The following XRN1 variants were observed in gnomAD, a reference collection of about 807,000 sequenced individuals.
XRN1 encodes the protein 5'-3' exoribonuclease 1.
XRN1 carries 67 observed loss-of-function variants against 222.3 expected under a neutral mutation model. That is an observed-to-expected ratio of 0.30 (90% CI 0.25 to 0.37). The LOEUF (loss-of-function observed/expected upper bound fraction) is 0.37, where lower values mean the gene tolerates loss of function less well. Ranked by LOEUF, XRN1 falls within the 10% of genes least tolerant of loss-of-function variation. XRN1 has a pLI of 1.00. For missense variants in XRN1, 1,707 were observed against 2,000.2 expected (o/e 0.85, Z 2.80); for synonymous variants, 643 against 652.4 (o/e 0.99, Z 0.22).
chr3:142,394,482 C>T (rs527474764), intron 20 of XRN1, among the ~76,000 whole-genome samples: 1 of 152,292 alleles, frequency 6.6e-6, no homozygotes, highest in African/African-American at 2.4e-5. Flanking sequence ...TTCAAACCTC[C>T]TTCACTCTAC....
At chr3:142,390,412 G>T (rs1473886818) in intron 20 of XRN1, among the ~76,000 whole-genome samples, 1 of 152,166 alleles carries the variant, frequency 6.6e-6, no homozygotes, top group African/African-American at 2.4e-5. Flanking sequence ...TTCTACATTA[G>T]CATTTGTTGC....
chr3:142,399,296 A>G (rs868156120), intron 19 of XRN1, among the ~76,000 whole-genome samples: 2 of 151,740 alleles, frequency 1.3e-5, no homozygotes, highest in African/African-American at 4.8e-5. Context: ...TGTTAAGACC[A>G]TGGTAATCAA....
intron 2 of XRN1, among the ~76,000 whole-genome samples, chr3:142,431,891 T>A (rs1245175799): frequency 8.5e-5 from 3 of 35,114 alleles, no homozygotes; most frequent in African/African-American, 2.8e-4. Flanking sequence ...ATATTATATA[T>A]AATATATATA....
At position 142,351,225 on chromosome 3, in the gene XRN1, A is replaced by T. The variant is rs191166295; in HGVS notation, c.3769-3883T>A. Among the ~76,000 whole-genome samples the T allele has an allele frequency of 1.5e-4, 23 of 152,290 alleles. No individual in the cohort carries two copies. In the East Asian group the frequency reaches 4.2e-3, roughly 28 times the overall value. ...AAGTCCAATAATTTAGCCCTAGAGG[A>T]TTCCATCTTTAAAGAGCCCGAGAGT... On this transcript the variant is annotated intron_variant, in intron 32 of 40. Transcript: ENST00000392981.
chr3:142,357,061 C>T lies in XRN1; in HGVS notation c.3523G>A (p.Gly1175Arg). 1 of 1,613,850 alleles carries T rather than the reference C, an allele frequency of 6.2e-7. No homozygotes were observed. The highest frequency in any genetic ancestry group is 8.5e-7 in the Non-Finnish European group (1 of 1,179,932). The change falls in exon 31 of 41, where the codon GGG (glycine) becomes AGG (arginine). Residue 1175 changes from glycine (G) to arginine (R), a missense_variant. Physicochemically the swap from Gly to Arg is moderately radical, Grantham distance 125. Transcript: ENST00000392981. ...PTSALVNLSHGSRSETGNQKL... is the reference protein window; with the variant it reads ...PTSALVNLSHRSRSETGNQKL... Reference sequence around the variant, plus strand: ...TGATTTCCAGTTTCAGAGCGACTCCCATGAGAAAGGTTCACCAAGGCACTT... The same window carrying T: ...TGATTTCCAGTTTCAGAGCGACTCCTATGAGAAAGGTTCACCAAGGCACTT...
chr3:142,363,221 T>C (rs998552136), intron 29 of XRN1, among the ~76,000 whole-genome samples: 41 of 152,074 alleles, frequency 2.7e-4, no homozygotes, highest in African/African-American at 9.7e-4. Flanking sequence ...ATAGAAGATG[T>C]AAGGTAAGGA....
At chr3:142,382,175 A>G (rs901176637) in intron 22 of XRN1, among the ~76,000 whole-genome samples, 2 of 152,166 alleles carry the variant, frequency 1.3e-5, no homozygotes, top group African/African-American at 4.8e-5. Context: ...GCTAATAAAT[A>G]ATCTGTAGGA....
In XRN1 at chr3:142,311,696, G is replaced by A. The variant is rs1477650206; in HGVS notation, c.4900C>T (p.Pro1634Ser). Residue 1634 changes from proline to serine, a missense_variant, in exon 41 of 41, where the codon CCA (proline) becomes TCA (serine). Physicochemically the swap from Pro to Ser is moderately conservative, Grantham distance 74. Around this residue, in one of 2 missense-constraint regions of XRN1, gnomAD observed 473 missense variants for 482.0 expected, o/e 0.98. Transcript: ENST00000392981. ...AAAGAAGCTGATGAGCTCTCCCGTG[G>A]ACTTACTTTGACAATGTTGGAAGAA... ...PDSSNIVKVS[P>S]RESSSASLKS... is the part of the protein sequence containing the mutation. 2 of 1,614,020 alleles carry A rather than the reference G, an allele frequency of 1.2e-6. No homozygotes were observed. Among genetic ancestry groups the A allele is most frequent in the African/African-American group, 2.7e-5 (2 of 74,934 alleles).
intron 22 of XRN1, among the ~76,000 whole-genome samples, chr3:142,382,491 C>T (rs1161861709): frequency 6.6e-6 from 1 of 152,122 alleles, no homozygotes; most frequent in Non-Finnish European, 1.5e-5. Context: ...AAGATTTGGG[C>T]AGTGGTAGTA....
intron 1 of XRN1, among the ~76,000 whole-genome samples, chr3:142,441,059 G>A (rs749953605): frequency 2.6e-5 from 4 of 152,098 alleles, no homozygotes; most frequent in Non-Finnish European, 4.4e-5. Context: ...AAATTTCCTC[G>A]CCACCTGTGG....
chr3:142,428,778 T>C (rs1163150617), intron 2 of XRN1, among the ~76,000 whole-genome samples: 1 of 152,194 alleles, frequency 6.6e-6, no homozygotes, highest in Non-Finnish European at 1.5e-5. Flanking sequence ...GTTCTAAATA[T>C]GTTAACCCTG....
intron 31 of XRN1, 152 bp from the exon 32 acceptor site, chr3:142,355,648 T>A: frequency 2.0e-6 from 1 of 493,576 alleles, no homozygotes; most frequent in Non-Finnish European, 3.5e-6. Flanking sequence ...TCATGTGGGG[T>A]CTTGCTCATG....
At chr3:142,365,264 T>C in intron 28 of XRN1, 46 bp downstream of exon 28, 1 of 1,579,466 alleles carries the variant, frequency 6.3e-7, no homozygotes, top group Admixed American at 1.8e-5. Flanking sequence ...CTTCCATGCA[T>C]TCAAAGTGAA....
Position 142,335,463 on chromosome 3 carries a change from T to G in XRN1, c.3924A>C (p.Lys1308Asn). The change falls in exon 34 of 41, where the codon AAA becomes AAC. Residue 1308 changes from lysine to asparagine, a missense_variant. Physicochemically the swap from Lys to Asn is moderately conservative, Grantham distance 94. Around this residue, in one of 2 missense-constraint regions of XRN1, gnomAD observed 473 missense variants for 482.0 expected, o/e 0.98. Transcript: ENST00000392981. ...GGAAGCTTACCTGCTTATTGGACAT[T>G]TTTTGGGACCAACACTCAGCTTTAG... is the stretch of plus-strand genomic sequence containing the variant. The part of the protein sequence containing the change: ...KSPKAECWSQ[K>N]MSNKQPNSGI... 6.2e-7 allele frequency: 1 copy of G among 1,613,946 alleles called. No homozygotes were observed. The highest frequency in any genetic ancestry group is 8.5e-7 in the Non-Finnish European group (1 of 1,179,902).
In XRN1 at chr3:142,421,134, C is replaced by G; in HGVS notation, c.1055G>C (p.Ser352Thr). The G allele has an allele frequency of 6.2e-7, 1 of 1,613,302 alleles. No individual in the cohort carries two copies. The highest frequency in any genetic ancestry group is 8.5e-7 in the Non-Finnish European group (1 of 1,179,642). Residue 352 changes from serine to threonine, a missense_variant, in exon 10 of 41, where the codon AGT becomes ACT. Ser to Thr is a moderately conservative substitution (Grantham distance 58, BLOSUM62 1). This residue lies in a region of XRN1 where 1,234 missense variants were observed against 1,518.2 expected (regional missense o/e 0.81). Coordinates refer to ENST00000392981, the MANE Select transcript of XRN1 (RefSeq NM_001282857.2). ...CCATTTTAGGTCCACAAAAACTTCA[C>G]TGAAGTGCTCCCGATCAAACTGTAC... The part of the protein sequence containing the change: ...KLSDFDREHF[S>T]EVFVDLKWFE...
chr3:142,374,561 A>T (rs530680324), intron 25 of XRN1, among the ~76,000 whole-genome samples: 1 of 152,204 alleles, frequency 6.6e-6, no homozygotes, highest in Admixed American at 6.5e-5. Context: ...TTAATAAAAA[A>T]TCTTCATAAA....
intron 37 of XRN1, among the ~76,000 whole-genome samples, chr3:142,319,930 ACG>A (rs915574971): frequency 2.0e-5 from 3 of 151,794 alleles, no homozygotes; most frequent in Non-Finnish European, 4.4e-5. Context: ...ACACACACAC[ACG>A]CACGCACACA....
chr3:142,414,056 A>G, intron 14 of XRN1, 79 bp downstream of exon 14: 3 of 1,327,504 alleles, frequency 2.3e-6, no homozygotes, highest in Non-Finnish European at 3.0e-6. Flanking sequence ...AATAAATTTG[A>G]GTATTATTGT....
At chr3:142,350,264 G>C (rs983939809) in intron 32 of XRN1, among the ~76,000 whole-genome samples, 24 of 152,044 alleles carry the variant, frequency 1.6e-4, no homozygotes, top group Non-Finnish European at 2.6e-4. Context: ...TTGTATACAT[G>C]AGGACACAGA....
Sources: gnomAD v4.1 joint callset for allele counts (sites outside exome capture counted in the v4.1 genomes callset) on GRCh38, gnomAD v4.1.1 for gene constraint, gnomAD v4.1.1 regional missense constraint, MANE v1.5 for transcripts, NCBI Gene and HGNC (gene_info 2026-07-23, HGNC 2026-07-21) for gene names.